The following RFX3 variants were observed in gnomAD, a reference collection of about 807,000 sequenced individuals.
RFX3 encodes transcription factor RFX3.
In RFX3, 14 loss-of-function variants were observed where a neutral mutation model predicts 98.6. The observed-to-expected ratio is 0.14, with a 90% CI of 0.09 to 0.22. The LOEUF (loss-of-function observed/expected upper bound fraction) is 0.22, where lower values mean the gene tolerates loss of function less well. Among genes scored for constraint, RFX3 ranks in the 10% least tolerant of loss-of-function variants. The pLI, the probability that RFX3 is intolerant of heterozygous loss-of-function variation, is 1.00. For synonymous variants in RFX3, 383 were observed against 328.4 expected (o/e 1.17, Z -1.80); for missense variants, 639 against 926.9 (o/e 0.69, Z 4.03).
chr9:3,349,046 C>T (rs1020753937), intron 2 of RFX3, among the ~76,000 whole-genome samples: 4 of 152,064 alleles, frequency 2.6e-5, no homozygotes, highest in Non-Finnish European at 4.4e-5. Flanking sequence ...TAGGTCTTTT[C>T]ATTGAACCAA....
At chr9:3,242,309 T>C (rs1182097579) in intron 15 of RFX3, among the ~76,000 whole-genome samples, 1 of 152,098 alleles carries the variant, frequency 6.6e-6, no homozygotes. Flanking sequence ...AAAATACTAA[T>C]ATAGTAAATA....
chr9:3,493,410 C>T (rs148529560), intron 1 of RFX3, among the ~76,000 whole-genome samples: 5 of 151,920 alleles, frequency 3.3e-5, no homozygotes, highest in South Asian at 4.1e-4. Context: ...CTGGGCCAGG[C>T]GCGGTGGCTC....
intron 1 of RFX3, among the ~76,000 whole-genome samples, chr9:3,496,750 C>G (rs1851133940): frequency 6.6e-6 from 1 of 151,956 alleles, no homozygotes; most frequent in African/African-American, 2.4e-5. Flanking sequence ...AGGATTTGAA[C>G]TCTGGTTTCC....
At chr9:3,492,207 C>T (rs1850775115) in intron 1 of RFX3, among the ~76,000 whole-genome samples, 1 of 152,166 alleles carries the variant, frequency 6.6e-6, no homozygotes, top group Admixed American at 6.5e-5. Flanking sequence ...CAAATACTGT[C>T]CTACTTTCTC....
chr9:3,444,762 C>A (rs1845893410), intron 1 of RFX3, among the ~76,000 whole-genome samples: 1 of 152,124 alleles, frequency 6.6e-6, no homozygotes, highest in Non-Finnish European at 1.5e-5. Flanking sequence ...AGAATCAGTA[C>A]CCACAGAGGA....
At chr9:3,264,979 T>C (rs999955366) in intron 12 of RFX3, among the ~76,000 whole-genome samples, 1 of 152,200 alleles carries the variant, frequency 6.6e-6, no homozygotes, top group Non-Finnish European at 1.5e-5. Flanking sequence ...TTGAAAAGGA[T>C]TCCTTGACCA....
chr9:3,339,976 G>A (rs1265342081), intron 3 of RFX3, among the ~76,000 whole-genome samples: 1 of 152,034 alleles, frequency 6.6e-6, no homozygotes, highest in Non-Finnish European at 1.5e-5. Context: ...CAAAGCTGGA[G>A]GCATCACACT....
chr9:3,263,752 C>T (rs1823227122), intron 12 of RFX3, among the ~76,000 whole-genome samples: 1 of 152,054 alleles, frequency 6.6e-6, no homozygotes, highest in Admixed American at 6.6e-5. Flanking sequence ...TGTTCTGTGC[C>T]CAGGAAGATT....
chr9:3,414,485 A>G (rs2132229872), intron 1 of RFX3, among the ~76,000 whole-genome samples: 1 of 150,742 alleles, frequency 6.6e-6, no homozygotes, highest in Non-Finnish European at 1.5e-5. Flanking sequence ...CCACTAACAT[A>G]TATATATGTG....
At chr9:3,396,707 T>G (rs1354915408) in intron 1 of RFX3, among the ~76,000 whole-genome samples, 1 of 152,144 alleles carries the variant, frequency 6.6e-6, no homozygotes, top group Non-Finnish European at 1.5e-5. Context: ...CACCTGCTGT[T>G]TCCTGACTTT....
Position 3,476,070 on chromosome 9 carries a change from C to T in RFX3, c.-9+49677G>A, listed in dbSNP as rs113708121. ...CACTATGTCCCCTCAGCTCCTATCTCTGTATGGCCTAGTTTTTCCTAGGTT... is the reference window on the plus strand; with the variant it reads ...CACTATGTCCCCTCAGCTCCTATCTTTGTATGGCCTAGTTTTTCCTAGGTT... On this transcript the variant is annotated intron_variant, in intron 1 of 16. Coordinates refer to ENST00000617270, the MANE Select transcript of RFX3 (RefSeq NM_001282116.2). Among the ~76,000 whole-genome samples the T allele has an allele frequency of 3.2e-3, 480 of 152,134 alleles. 2 individuals carry two copies. Among genetic ancestry groups the T allele is most frequent in the African/African-American group, 0.01 (422 of 41,482 alleles).
At chr9:3,469,277 A>G (rs181224719) in intron 1 of RFX3, 1 of 376,926 alleles carries the variant, frequency 2.7e-6, no homozygotes, top group Non-Finnish European at 5.4e-6. Flanking sequence ...TTCATATACT[A>G]TTTCATATAC....
chr9:3,278,365 G>A (rs528452557), intron 7 of RFX3, among the ~76,000 whole-genome samples: 8 of 151,726 alleles, frequency 5.3e-5, no homozygotes, highest in East Asian at 1.9e-4. Context: ...ACAGAAAAGC[G>A]TAAGAAAAAA....
At chr9:3,369,956 G>A (rs149149941) in intron 2 of RFX3, among the ~76,000 whole-genome samples, 1 of 150,378 alleles carries the variant, frequency 6.6e-6, no homozygotes, top group Non-Finnish European at 1.5e-5. Context: ...AGCCTCCCGA[G>A]TAGCTGGGAC....
chr9:3,375,677 T>A (rs1838380200), intron 2 of RFX3, among the ~76,000 whole-genome samples: 1 of 152,184 alleles, frequency 6.6e-6, no homozygotes, highest in Non-Finnish European at 1.5e-5. Context: ...TAGACACAAA[T>A]TAGCCAGGCA....
chr9:3,267,131 G>C (rs146040204), intron 11 of RFX3, among the ~76,000 whole-genome samples: 2 of 152,068 alleles, frequency 1.3e-5, no homozygotes, highest in Non-Finnish European at 1.5e-5. Context: ...TATAGTAGGA[G>C]ACAGAATACT....
chr9:3,452,396 G>C (rs774227175), intron 1 of RFX3: 3 of 309,908 alleles, frequency 9.7e-6, no homozygotes, highest in Middle Eastern at 5.3e-4. Flanking sequence ...TTCAAGTCCA[G>C]CTTGGGCAAC....
At chr9:3,421,801 T>C (rs181446195) in intron 1 of RFX3, among the ~76,000 whole-genome samples, 5 of 152,282 alleles carry the variant, frequency 3.3e-5, no homozygotes. Flanking sequence ...TATATTTTCT[T>C]TCTCTCTGCC....
intron 1 of RFX3, among the ~76,000 whole-genome samples, chr9:3,505,304 AT>A (rs1587888965): frequency 4.9e-5 from 5 of 102,788 alleles, no homozygotes; most frequent in East Asian, 3.0e-4. Context: ...TTATATATAT[AT>A]AAATATATAT....
Sources: allele counts gnomAD v4.1 joint callset (sites outside exome capture counted in the v4.1 genomes callset), GRCh38; gene constraint gnomAD v4.1.1; transcripts MANE v1.5; gene names NCBI Gene and HGNC (gene_info 2026-07-23, HGNC 2026-07-21).